Variants in DNAAF19 observed in about 807,000 individuals in gnomAD.
DNAAF19 encodes coiled-coil domain containing 103.
the DNAAF19 span, chr17:44,901,102 G>A: frequency 1.1e-4 from 171 of 1,606,290 alleles, 2 homozygotes; most frequent in Admixed American, 1.2e-3. Flanking sequence ...GCCAAGTTAC[G>A]GGCAGTGGAA....
At chr17:44,905,372 T>C in the DNAAF19 span, 1 of 368,604 alleles carries the variant, frequency 2.7e-6, no homozygotes, top group South Asian at 3.9e-5. Flanking sequence ...TGGTAAACAC[T>C]GATCAGTGTT....
the DNAAF19 span, chr17:44,904,038 A>G: frequency 6.4e-7 from 1 of 1,550,598 alleles, no homozygotes; most frequent in Non-Finnish European, 8.7e-7. Context: ...TACCAAAAGC[A>G]CCTAGGTAGC....
chr17:44,905,098 T>A, the DNAAF19 span: 1 of 1,484,560 alleles, frequency 6.7e-7, no homozygotes, highest in Non-Finnish European at 9.1e-7. Context: ...TGAAGACCAG[T>A]TGTCCTTCAA....
At chr17:44,901,178 A>T in the DNAAF19 span, 1 of 1,595,128 alleles carries the variant, frequency 6.3e-7, no homozygotes, top group Non-Finnish European at 8.5e-7. Flanking sequence ...CCCTCCTGTT[A>T]TGGTGGATTA....
the DNAAF19 span, chr17:44,900,976 C>G: frequency 1.3e-6 from 2 of 1,589,658 alleles, no homozygotes; most frequent in Admixed American, 1.9e-5. Flanking sequence ...CATGTATTCC[C>G]TTTGCCTTCC....
At chr17:44,900,052 A>G in the DNAAF19 span, among the ~76,000 whole-genome samples, 47 of 151,992 alleles carry the variant, frequency 3.1e-4, no homozygotes, top group African/African-American at 1.1e-3. Flanking sequence ...ATCTAGCTCA[A>G]CTCACTAGGA....
chr17:44,901,095 A>C, the DNAAF19 span: 1 of 1,605,534 alleles, frequency 6.2e-7, no homozygotes, highest in Non-Finnish European at 8.5e-7. Context: ...GAATGCTGCC[A>C]AGTTACGGGC....
At chr17:44,902,479 C>A in the DNAAF19 span, 1 of 1,614,228 alleles carries the variant, frequency 6.2e-7, no homozygotes, top group Non-Finnish European at 8.5e-7. Context: ...GGGTCCAAGG[C>A]TCGGCTGCCT....
the DNAAF19 span, chr17:44,902,973 C>T: frequency 5.6e-6 from 8 of 1,432,500 alleles, no homozygotes; most frequent in Non-Finnish European, 7.3e-6. Flanking sequence ...GTCTTCCCCA[C>T]TTCTCCAGTC....
the DNAAF19 span, chr17:44,904,874 G>A: frequency 1.3e-6 from 2 of 1,550,650 alleles, no homozygotes; most frequent in South Asian, 1.2e-5. Flanking sequence ...CTGGAGGCAG[G>A]GTGTGCTAGT....
At chr17:44,904,226 T>G in the DNAAF19 span, 2 of 1,550,576 alleles carry the variant, frequency 1.3e-6, no homozygotes, top group East Asian at 4.9e-5. Context: ...GGGGGACTAC[T>G]TTTACGCCTA....
the DNAAF19 span, chr17:44,904,520 A>C: frequency 1.9e-6 from 3 of 1,550,320 alleles, no homozygotes; most frequent in South Asian, 3.6e-5. Context: ...CAGGGACCAC[A>C]CGCCTGAGGT....
chr17:44,903,265 A>G, the DNAAF19 span: 2 of 1,249,828 alleles, frequency 1.6e-6, no homozygotes, highest in Non-Finnish European at 2.0e-6. Flanking sequence ...TAATCAACAA[A>G]TGATCAAATA....
chr17:44,902,653 G>C, the DNAAF19 span: 1 of 1,614,252 alleles, frequency 6.2e-7, no homozygotes, highest in Non-Finnish European at 8.5e-7. Flanking sequence ...GGCAGAGAGA[G>C]AGAGCTGCAA....
chr17:44,905,182 C>T, the DNAAF19 span: 1 of 819,690 alleles, frequency 1.2e-6, no homozygotes, highest in Non-Finnish European at 1.9e-6. Context: ...AACATGTGGA[C>T]AAATCTGTTA....
the DNAAF19 span, among the ~76,000 whole-genome samples, chr17:44,900,304 G>T: frequency 2.0e-5 from 3 of 150,926 alleles, no homozygotes; most frequent in East Asian, 5.9e-4. Flanking sequence ...AAAAAGAAAA[G>T]AATATCTCTG....
the DNAAF19 span, chr17:44,901,026 A>G: frequency 6.2e-7 from 1 of 1,603,050 alleles, no homozygotes; most frequent in Non-Finnish European, 8.5e-7. Flanking sequence ...CATCAACTTC[A>G]AGGCTTTGGA....
At chr17:44,900,181 G>A in the DNAAF19 span, among the ~76,000 whole-genome samples, 1 of 152,052 alleles carries the variant, frequency 6.6e-6, no homozygotes, top group Non-Finnish European at 1.5e-5. Flanking sequence ...GCCGAGGCGC[G>A]CGGATTACTT....
the DNAAF19 span, among the ~76,000 whole-genome samples, chr17:44,902,111 T>C: frequency 6.6e-6 from 1 of 152,222 alleles, no homozygotes; most frequent in East Asian, 1.9e-4. Flanking sequence ...CAGAGCTATG[T>C]CTCCATTCAT....
Sources: allele counts gnomAD v4.1 joint callset (sites outside exome capture counted in the v4.1 genomes callset), GRCh38; gene constraint gnomAD v4.1.1; transcripts MANE v1.5; gene names NCBI Gene and HGNC (gene_info 2026-07-23, HGNC 2026-07-21).